Variants in VAV3 observed in about 807,000 individuals in gnomAD.
The protein encoded by VAV3 is guanine nucleotide exchange factor VAV3.
A neutral mutation model predicts 131.2 loss-of-function variants in VAV3; 94 were observed. That is an observed-to-expected ratio of 0.72 (90% CI 0.61 to 0.85). VAV3 has a LOEUF of 0.85. Ranked by LOEUF, VAV3 falls within the 40% of genes least tolerant of loss-of-function variation. VAV3 has a pLI of 0.00. For synonymous variants in VAV3, 349 were observed against 342.0 expected, an observed-to-expected ratio of 1.02 and a Z score of -0.22; for missense variants, 939 against 1,002.7, an observed-to-expected ratio of 0.94 and a Z score of 0.86.
At chr1:107,863,955 T>G (rs976309506) in intron 2 of VAV3, among the ~76,000 whole-genome samples, 3 of 152,186 alleles carry the variant, frequency 2.0e-5, no homozygotes, top group Non-Finnish European at 4.4e-5. Flanking sequence ...CAGAAGTGTA[T>G]GTACAGTCAA....
chr1:107,758,163 C>T (rs1029378448), intron 10 of VAV3, among the ~76,000 whole-genome samples: 10 of 152,180 alleles, frequency 6.6e-5, no homozygotes, highest in African/African-American at 2.2e-4. Flanking sequence ...GTGTCCCAGA[C>T]TTCTCCCTGT....
At chr1:107,692,856 A>G (rs1228723564) in intron 17 of VAV3, among the ~76,000 whole-genome samples, 1 of 152,186 alleles carries the variant, frequency 6.6e-6, no homozygotes, top group Non-Finnish European at 1.5e-5. Context: ...GATGCATTAT[A>G]CCAAAGTCGT....
rs373397736 is a variant in VAV3, at chr1:107,785,440, G to T, written c.322-5948C>A. The stretch of plus-strand genomic sequence containing the variant: ...ACAACCTGGGTTCAAAAGGAATTCC[G>T]AGGGAAAGGGTACTTACAGGGAGGT... On this transcript the variant is annotated intron_variant, in intron 2 of 26. Transcript: ENST00000370056. The T allele has an allele frequency of 6.0e-6, 8 of 1,330,064 alleles. No individual in the cohort carries two copies. In the South Asian group the frequency reaches 8.6e-5, roughly 14 times the overall value. The allele number at this position is 1,330,064 out of a possible 1,614,324, so 82.4% of individuals were successfully genotyped here.
intron 17 of VAV3, chr1:107,688,656 T>C (rs1659203442): frequency 5.3e-6 from 5 of 951,116 alleles, no homozygotes; most frequent in South Asian, 2.1e-5. Flanking sequence ...ACTTTTTCCA[T>C]TGTTTATTAA....
chr1:107,708,468 T>C (rs956807861), intron 15 of VAV3, among the ~76,000 whole-genome samples: 14 of 152,220 alleles, frequency 9.2e-5, no homozygotes, highest in African/African-American at 3.1e-4. Flanking sequence ...ATAGAACTCA[T>C]TATGAATATA....
chr1:107,860,644 T>C (rs932508979), intron 2 of VAV3, among the ~76,000 whole-genome samples: 21 of 151,700 alleles, frequency 1.4e-4, no homozygotes, highest in Admixed American at 5.3e-4. Context: ...CTGTTTCATA[T>C]GTGTTATCCT....
chr1:107,701,563 C>T (rs11185165), intron 17 of VAV3, among the ~76,000 whole-genome samples: 45,015 of 152,178 alleles, frequency 0.3, 6,997 homozygotes, highest in African/African-American at 0.39. Flanking sequence ...CATTTAGCTC[C>T]TCATTACTTA....
At chr1:107,797,379 G>A (rs1241908339) in intron 2 of VAV3, among the ~76,000 whole-genome samples, 2 of 152,074 alleles carry the variant, frequency 1.3e-5, no homozygotes, top group Non-Finnish European at 2.9e-5. Flanking sequence ...ATTCTACTAG[G>A]TGTCAGGGAT....
At chr1:107,907,025 G>A (rs890459138) in intron 1 of VAV3, among the ~76,000 whole-genome samples, 1 of 152,104 alleles carries the variant, frequency 6.6e-6, no homozygotes, top group Non-Finnish European at 1.5e-5. Context: ...ATGCAAAAGG[G>A]CCTAAGTGTT....
intron 2 of VAV3, among the ~76,000 whole-genome samples, chr1:107,789,197 C>G (rs1478301702): frequency 1.3e-5 from 2 of 152,204 alleles, no homozygotes; most frequent in Non-Finnish European, 2.9e-5. Context: ...TGCCCACAAT[C>G]ACACAGCTGG....
intron 20 of VAV3, among the ~76,000 whole-genome samples, chr1:107,629,353 T>C (rs914991761): frequency 3.9e-5 from 6 of 152,220 alleles, no homozygotes; most frequent in African/African-American, 1.4e-4. Flanking sequence ...ATAAAGTTTG[T>C]AATATGAACA....
At chr1:107,785,464 G>A (rs1410572732) in intron 2 of VAV3, 1 of 1,328,462 alleles carries the variant, frequency 7.5e-7, no homozygotes, top group Non-Finnish European at 9.9e-7. Context: ...TTACAGGGAG[G>A]TGGGCTCTGC....
intron 19 of VAV3, among the ~76,000 whole-genome samples, chr1:107,662,274 T>C (rs527569496): frequency 1.2e-4 from 19 of 152,188 alleles, no homozygotes; most frequent in Non-Finnish European, 2.1e-4. Context: ...CATTTTAAAA[T>C]ATGACAAATT....
chr1:107,857,822 G>C (rs1669540309), intron 2 of VAV3, among the ~76,000 whole-genome samples: 1 of 152,154 alleles, frequency 6.6e-6, no homozygotes, highest in African/African-American at 2.4e-5. Flanking sequence ...AATGAAGAAT[G>C]CTTCCTAGAT....
intron 1 of VAV3, among the ~76,000 whole-genome samples, chr1:107,956,643 C>A (rs1272821703): frequency 6.6e-6 from 1 of 151,896 alleles, no homozygotes; most frequent in Non-Finnish European, 1.5e-5. Flanking sequence ...ATTGTAGGAC[C>A]CGTAAAAGCA....
intron 1 of VAV3, among the ~76,000 whole-genome samples, chr1:107,951,882 T>C (rs1674552640): frequency 6.6e-6 from 1 of 151,062 alleles, no homozygotes; most frequent in South Asian, 2.1e-4. Context: ...GGAGTGTAAA[T>C]TAGTTCAACA....
chr1:107,804,830 T>C (rs1226921767), intron 2 of VAV3, among the ~76,000 whole-genome samples: 1 of 151,848 alleles, frequency 6.6e-6, no homozygotes, highest in Non-Finnish European at 1.5e-5. Context: ...TTAGCATTTC[T>C]TGTAAGACAA....
intron 2 of VAV3, among the ~76,000 whole-genome samples, chr1:107,810,389 G>T (rs575005429): frequency 6.6e-6 from 1 of 152,292 alleles, no homozygotes; most frequent in South Asian, 2.1e-4. Flanking sequence ...GGAACCAGAA[G>T]AAAGTGAAGT....
At chr1:107,606,070 A>G (rs1006782224) in intron 22 of VAV3, among the ~76,000 whole-genome samples, 2 of 152,094 alleles carry the variant, frequency 1.3e-5, no homozygotes, top group African/African-American at 4.8e-5. Flanking sequence ...CCTGGCTTCT[A>G]TATCTCCCTC....
Sources: allele counts gnomAD v4.1 joint callset (sites outside exome capture counted in the v4.1 genomes callset), GRCh38; gene constraint gnomAD v4.1.1; transcripts MANE v1.5; gene names NCBI Gene and HGNC (gene_info 2026-07-23, HGNC 2026-07-21).